The following NELL2 variants were observed in gnomAD, a reference collection of about 807,000 sequenced individuals.
NELL2 encodes the protein protein kinase C-binding protein NELL2.
In NELL2, 41 loss-of-function variants were observed where a neutral mutation model predicts 109.6. That is an observed-to-expected ratio of 0.37 (90% CI 0.29 to 0.49). The LOEUF (loss-of-function observed/expected upper bound fraction) is 0.49, where lower values mean the gene tolerates loss of function less well. Among genes scored for constraint, NELL2 ranks in the 20% least tolerant of loss-of-function variants. The probability of loss-of-function intolerance (pLI) is 0.98; values close to 1 mark genes in which losing one functional copy is unlikely to be tolerated. For synonymous variants in NELL2, 355 were observed against 344.7 expected (o/e 1.03, Z -0.33); for missense variants, 900 against 1,008.3 (o/e 0.89, Z 1.45).
Position 44,508,824 on chromosome 12 carries a change from A to G in NELL2, c.*110T>C. ...ATTGAAAGTTCACTCAGCTATTAAC[A>G]AAGCTGCATTTAGCTGCCCACAAAT... On this transcript the variant is annotated 3_prime_UTR_variant, in exon 20 of 20. Coordinates refer to ENST00000429094, the MANE Select transcript of NELL2 (RefSeq NM_001145108.2). The G allele has an allele frequency of 1.1e-6, 1 of 879,566 alleles. No homozygotes were observed. Among genetic ancestry groups the G allele is most frequent in the Middle Eastern group, 2.5e-4 (1 of 4,042 alleles). The allele number at this position is 879,566 out of a possible 1,614,324, so 54.5% of individuals were successfully genotyped here. A position where few individuals can be genotyped will look rare whatever the true frequency, so the allele number is the denominator to read the frequency against.
intron 1 of NELL2, among the ~76,000 whole-genome samples, chr12:44,897,768 C>A (rs1323427638): frequency 1.3e-5 from 2 of 152,020 alleles, no homozygotes; most frequent in African/African-American, 2.4e-5. Flanking sequence ...CGAGACAGAA[C>A]TGTTTACTCC....
At chr12:44,883,729 T>G (rs1044692532) in intron 1 of NELL2, among the ~76,000 whole-genome samples, 1 of 152,008 alleles carries the variant, frequency 6.6e-6, no homozygotes, top group Admixed American at 6.6e-5. Context: ...ACATTCCAAT[T>G]GAAGTAATAA....
At chr12:44,834,691 C>T (rs546209228) in intron 2 of NELL2, among the ~76,000 whole-genome samples, 1 of 152,258 alleles carries the variant, frequency 6.6e-6, no homozygotes, top group Admixed American at 6.5e-5. Flanking sequence ...CCTCACCCCG[C>T]ATCCAAACCC....
intron 2 of NELL2, among the ~76,000 whole-genome samples, chr12:44,862,031 G>A (rs1262127417): frequency 6.6e-6 from 1 of 152,138 alleles, no homozygotes; most frequent in Admixed American, 6.5e-5. Context: ...CCAAAGAAAT[G>A]AAAACATATA....
chr12:44,850,005 A>G (rs571688470), intron 2 of NELL2, among the ~76,000 whole-genome samples: 19 of 152,288 alleles, frequency 1.2e-4, no homozygotes, highest in Non-Finnish European at 1.6e-4. Context: ...AAAGGGGCAC[A>G]TGGAACTTTC....
chr12:44,637,471 C>T (rs532475773), intron 13 of NELL2, among the ~76,000 whole-genome samples: 2 of 142,554 alleles, frequency 1.4e-5, no homozygotes, highest in East Asian at 2.1e-4. Context: ...ACACAAATCA[C>T]AGTAGGTGTT....
At chr12:44,626,275 CA>C (rs1181446761) in intron 13 of NELL2, among the ~76,000 whole-genome samples, 2 of 152,160 alleles carry the variant, frequency 1.3e-5, no homozygotes, top group Non-Finnish European at 2.9e-5. Flanking sequence ...GCAATGTAGT[CA>C]TCTTCTGCTT....
At chr12:44,894,606 C>T (rs1030045417) in intron 1 of NELL2, among the ~76,000 whole-genome samples, 14 of 152,112 alleles carry the variant, frequency 9.2e-5, no homozygotes, top group African/African-American at 3.1e-4. Context: ...AAAGTAAAAA[C>T]GTTCTATCAG....
At chr12:44,586,400 A>T (rs1944506714) in intron 15 of NELL2, among the ~76,000 whole-genome samples, 1 of 151,376 alleles carries the variant, frequency 6.6e-6, no homozygotes, top group African/African-American at 2.4e-5. Context: ...ATGAGTCTTA[A>T]AATTTTCTTT....
intron 13 of NELL2, among the ~76,000 whole-genome samples, chr12:44,616,465 C>G (rs1052393058): frequency 1.3e-5 from 2 of 152,104 alleles, no homozygotes; most frequent in African/African-American, 4.8e-5. Context: ...TAGTGACAAC[C>G]AACCTCTAGT....
At chr12:44,725,815 C>A (rs1482825836) in intron 9 of NELL2, among the ~76,000 whole-genome samples, 1 of 151,956 alleles carries the variant, frequency 6.6e-6, no homozygotes, top group Non-Finnish European at 1.5e-5. Context: ...CTTATGAACA[C>A]AAAGAAGGAA....
intron 15 of NELL2, among the ~76,000 whole-genome samples, chr12:44,605,369 A>G (rs1181808420): frequency 6.6e-6 from 1 of 152,192 alleles, no homozygotes. Context: ...AACTTGCCCA[A>G]GGCAACATAA....
intron 1 of NELL2, among the ~76,000 whole-genome samples, chr12:44,882,321 A>G (rs1280741343): frequency 6.6e-6 from 1 of 151,744 alleles, no homozygotes; most frequent in Non-Finnish European, 1.5e-5. Flanking sequence ...AAAACAACAC[A>G]GATTCATATA....
At chr12:44,689,744 C>T (rs986230810) in intron 12 of NELL2, among the ~76,000 whole-genome samples, 16 of 152,162 alleles carry the variant, frequency 1.1e-4, no homozygotes, top group African/African-American at 3.6e-4. Context: ...TTGGTTGTCA[C>T]AGCTAGGAAT....
In NELL2 at chr12:44,636,172, A is replaced by T. The variant is rs186513181; in HGVS notation, c.1445-25202T>A. On this transcript the variant is annotated intron_variant, in intron 13 of 19. Coordinates refer to ENST00000429094, the MANE Select transcript of NELL2 (RefSeq NM_001145108.2). ...TTTGCTGAGGTTGCTTATCAGCTTA[A>T]GGAGATTTTTGCTGAGATGATGGGG... Among the ~76,000 whole-genome samples the T allele has an allele frequency of 2.6e-3, 398 of 152,280 alleles. 4 individuals carry two copies. The highest frequency in any genetic ancestry group is 8.7e-3 in the African/African-American group (361 of 41,552).
At chr12:44,822,938 G>T (rs1319225091) in intron 2 of NELL2, among the ~76,000 whole-genome samples, 1 of 152,052 alleles carries the variant, frequency 6.6e-6, no homozygotes, top group Admixed American at 6.5e-5. Flanking sequence ...AACAAAGAAA[G>T]GCAGGGGGAG....
chr12:44,824,008 A>G (rs1943622689), intron 2 of NELL2, among the ~76,000 whole-genome samples: 1 of 152,158 alleles, frequency 6.6e-6, no homozygotes. Context: ...ATTTTTTCAC[A>G]TACATTTTGA....
At chr12:44,876,521 C>G, upstream of NELL2, 1 of 1,411,246 alleles carries the variant, frequency 7.1e-7, no homozygotes, top group Non-Finnish European at 9.3e-7. Flanking sequence ...CTCCCTCTCT[C>G]GATGACCCGG....
intron 1 of NELL2, among the ~76,000 whole-genome samples, chr12:44,905,224 T>G (rs778543310): frequency 6.6e-6 from 1 of 152,098 alleles, no homozygotes; most frequent in East Asian, 1.9e-4. Flanking sequence ...TGTACTTTCA[T>G]AACAGTTTAT....
Sources: allele counts gnomAD v4.1 joint callset (sites outside exome capture counted in the v4.1 genomes callset), GRCh38; gene constraint gnomAD v4.1.1; transcripts MANE v1.5; gene names NCBI Gene and HGNC (gene_info 2026-07-23, HGNC 2026-07-21).